The following SYT16 variants were observed in gnomAD, a reference collection of about 807,000 sequenced individuals.
The protein encoded by SYT16 is synaptotagmin 16.
Under a neutral mutation model 61.4 loss-of-function variants are expected in SYT16, and 42 were observed. The ratio of observed to expected loss-of-function variants is 0.68; its 90% CI spans 0.53 to 0.89. The LOEUF is 0.89. Among genes scored for constraint, SYT16 ranks in the 40% least tolerant of loss-of-function variants. SYT16 has a pLI of 0.00. For missense variants in SYT16, 804 were observed against 807.3 expected (o/e 1.00, Z 0.05); for synonymous variants, 314 against 302.3 (o/e 1.04, Z -0.40).
intron 1 of SYT16, among the ~76,000 whole-genome samples, chr14:61,886,507 G>A (rs147758791): frequency 6.6e-6 from 1 of 152,332 alleles, no homozygotes; most frequent in East Asian, 1.9e-4. Context: ...TTCACCAGGA[G>A]TAGATTCTGT....
chr14:61,989,407 A>G (rs2052454704), intron 2 of SYT16, among the ~76,000 whole-genome samples: 1 of 152,136 alleles, frequency 6.6e-6, no homozygotes. Context: ...TACTAAAAGT[A>G]CAAAAATTAG....
In SYT16 at chr14:62,066,004, A is replaced by T. The variant is rs370271277; in HGVS notation, c.524-3599A>T. On this transcript the variant is annotated intron_variant, in intron 3 of 7. Transcript: ENST00000683842. ...GCCAATAGAATTAAGTGAGATGACA[A>T]AGATGTACTCTTATGTTCATGGAGA... Among the ~76,000 whole-genome samples, 5 of 152,346 alleles carry T rather than the reference A, an allele frequency of 3.3e-5. No homozygotes were observed. The South Asian group carries it at 1.0e-3, about 32-fold the overall frequency.
chr14:61,909,803 A>G (rs1342186612), intron 1 of SYT16, among the ~76,000 whole-genome samples: 1 of 152,118 alleles, frequency 6.6e-6, no homozygotes, highest in Non-Finnish European at 1.5e-5. Context: ...CTTTACCAGA[A>G]TATTTGTGGA....
intron 2 of SYT16, among the ~76,000 whole-genome samples, chr14:61,982,423 G>T (rs2052121295): frequency 1.3e-5 from 2 of 152,128 alleles, no homozygotes; most frequent in Admixed American, 6.6e-5. Flanking sequence ...ATGGCAGCAG[G>T]CAAGATAGAG....
intron 7 of SYT16, 130 bp downstream of exon 7, chr14:62,084,515 A>G: frequency 1.0e-6 from 1 of 980,156 alleles, no homozygotes; most frequent in Non-Finnish European, 1.5e-6. Flanking sequence ...AGCTTTCACA[A>G]AGAGATACCT....
At chr14:61,914,171 C>T (rs1479640210) in intron 1 of SYT16, among the ~76,000 whole-genome samples, 2 of 152,074 alleles carry the variant, frequency 1.3e-5, no homozygotes, top group African/African-American at 4.8e-5. Context: ...TTTGTTGGAT[C>T]ACTTTGGAGC....
chr14:61,874,831 G>C (rs1441520022), intron 1 of SYT16, among the ~76,000 whole-genome samples: 2 of 150,822 alleles, frequency 1.3e-5, no homozygotes, highest in Admixed American at 6.6e-5. Flanking sequence ...CATTTGGTGT[G>C]AGGCATGTGC....
At chr14:61,820,376 C>T (rs2045573486) in intron 1 of SYT16, among the ~76,000 whole-genome samples, 1 of 148,260 alleles carries the variant, frequency 6.7e-6, no homozygotes, top group Non-Finnish European at 1.5e-5. Flanking sequence ...GTGCATTTGG[C>T]GATCTCTCTG....
At chr14:62,051,382 G>T (rs573337840) in intron 3 of SYT16, among the ~76,000 whole-genome samples, 4 of 152,186 alleles carry the variant, frequency 2.6e-5, no homozygotes, top group Admixed American at 1.3e-4. Flanking sequence ...CCTTTTCTTC[G>T]ACTAGGAAAG....
chr14:61,977,315 G>A (rs1040592555), intron 2 of SYT16, among the ~76,000 whole-genome samples: 52 of 152,114 alleles, frequency 3.4e-4, no homozygotes, highest in Non-Finnish European at 2.9e-4. Context: ...CCAATTTACT[G>A]TATTAGTCAA....
chr14:61,996,222 A>G lies in SYT16; in HGVS notation c.203A>G (p.Glu68Gly). ...DNIQIQETYF[E>G]DEEQDNDWSQ... is the part of the protein sequence containing the mutation. ...ATTCAGATTCAGGAAACGTACTTTG[A>G]AGATGAAGAACAAGACAATGATTGG... The change falls in exon 3 of 8, where the codon GAA becomes GGA. Residue 68 changes from glutamate to glycine, a missense_variant. Glu to Gly is a moderately conservative substitution (Grantham distance 98). Coordinates refer to ENST00000683842, the MANE Select transcript of SYT16 (RefSeq NM_001367656.1). 1 of 1,613,604 alleles carries G rather than the reference A, an allele frequency of 6.2e-7. No homozygotes were observed. Among genetic ancestry groups the G allele is most frequent in the Non-Finnish European group, 8.5e-7 (1 of 1,179,634 alleles).
At chr14:61,827,858 T>C (rs1426597221) in intron 1 of SYT16, among the ~76,000 whole-genome samples, 1 of 152,218 alleles carries the variant, frequency 6.6e-6, no homozygotes, top group Non-Finnish European at 1.5e-5. Context: ...CTCTATGTTT[T>C]AGTTATATAT....
At chr14:62,093,584 T>G (rs1278622186) in intron 7 of SYT16, among the ~76,000 whole-genome samples, 1 of 152,112 alleles carries the variant, frequency 6.6e-6, no homozygotes, top group East Asian at 1.9e-4. Context: ...TGAATTGGGC[T>G]TAGCTCAGGA....
chr14:62,021,199 A>G (rs1032600811), intron 3 of SYT16, among the ~76,000 whole-genome samples: 1 of 152,218 alleles, frequency 6.6e-6, no homozygotes, highest in Non-Finnish European at 1.5e-5. Context: ...CAATCACTCC[A>G]GAAGGCAAGA....
Position 61,870,121 on chromosome 14 carries a change from G to A in SYT16, c.-325+57311G>A, listed in dbSNP as rs528948520. Among the ~76,000 whole-genome samples the A allele has an allele frequency of 5.9e-5, 9 of 151,892 alleles. No homozygotes were observed. In the South Asian group the frequency reaches 1.9e-3, roughly 32 times the overall value. On this transcript the variant is annotated intron_variant, in intron 1 of 7. Transcript: ENST00000683842. ...TACAAATTTCCATCTGGTATTATTT[G>A]CCTTTTACTGAAGGACTTCCTTTAC...
intron 3 of SYT16, among the ~76,000 whole-genome samples, chr14:62,031,870 G>C (rs1417299591): frequency 2.0e-5 from 3 of 152,098 alleles, no homozygotes; most frequent in Non-Finnish European, 1.5e-5. Context: ...AAGTGTTTCT[G>C]CTACTGAAAG....
At chr14:61,900,232 C>T (rs2048465567) in intron 1 of SYT16, among the ~76,000 whole-genome samples, 1 of 149,968 alleles carries the variant, frequency 6.7e-6, no homozygotes, top group African/African-American at 2.5e-5. Flanking sequence ...AATCTCGGCT[C>T]ACTGCAACCT....
intron 3 of SYT16, among the ~76,000 whole-genome samples, chr14:62,050,043 C>G (rs991230044): frequency 6.6e-6 from 1 of 152,200 alleles, no homozygotes; most frequent in Non-Finnish European, 1.5e-5. Flanking sequence ...GGGAAGTTCT[C>G]CTGGAAAATA....
intron 4 of SYT16, among the ~76,000 whole-genome samples, chr14:62,072,954 C>T (rs1204906022): frequency 6.6e-6 from 1 of 152,134 alleles, no homozygotes; most frequent in Non-Finnish European, 1.5e-5. Context: ...GGATACGTTT[C>T]TCTGACAACA....
Sources: gnomAD v4.1 joint callset for allele counts (sites outside exome capture counted in the v4.1 genomes callset) on GRCh38, gnomAD v4.1.1 for gene constraint, MANE v1.5 for transcripts, NCBI Gene and HGNC (gene_info 2026-07-23, HGNC 2026-07-21) for gene names.